Variants in ZNF644 observed in about 807,000 individuals in gnomAD.
ZNF644 encodes zinc finger motif enhancer binding protein 2.
In ZNF644, 20 loss-of-function variants were observed where a neutral mutation model predicts 108.0. That is an observed-to-expected ratio of 0.19 (90% CI 0.13 to 0.27). The LOEUF (loss-of-function observed/expected upper bound fraction) is 0.27, where lower values mean the gene tolerates loss of function less well. ZNF644 is among the 10% of genes least tolerant of loss of function. The pLI is 1.00. For missense variants in ZNF644, 1,338 were observed against 1,548.9 expected (o/e 0.86, Z 2.29); for synonymous variants, 542 against 539.1 (o/e 1.01, Z -0.08).
intron 4 of ZNF644, among the ~76,000 whole-genome samples, chr1:90,929,352 T>A (rs1306002580): frequency 6.6e-6 from 1 of 152,204 alleles, no homozygotes; most frequent in Non-Finnish European, 1.5e-5. Flanking sequence ...TCCTAATTTC[T>A]CTGACAGCAG....
intron 2 of ZNF644, among the ~76,000 whole-genome samples, chr1:90,966,757 A>G (rs899316373): frequency 5.3e-5 from 8 of 151,404 alleles, no homozygotes; most frequent in Non-Finnish European, 1.2e-4. Context: ...CAAAAAAAAA[A>G]AAAAAAAAAA....
chr1:91,004,565 T>C (rs1277284082), intron 1 of ZNF644, among the ~76,000 whole-genome samples: 3 of 151,956 alleles, frequency 2.0e-5, no homozygotes, highest in Non-Finnish European at 2.9e-5. Context: ...TCTGAAGAAA[T>C]AAGGAGCATG....
intron 1 of ZNF644, among the ~76,000 whole-genome samples, chr1:90,997,288 T>C (rs537698564): frequency 1.1e-4 from 16 of 152,194 alleles, no homozygotes; most frequent in African/African-American, 3.4e-4. Flanking sequence ...TGAAGGAGCA[T>C]CCCAACACAC....
Position 90,939,665 on chromosome 1 carries a change from C to T in ZNF644, c.1689G>A (p.Gln563=), listed in dbSNP as rs1235101793. Residue 563 remains glutamine (Q), a synonymous_variant, in exon 3 of 6, where the codon CAG becomes CAA. Coordinates refer to ENST00000337393, the MANE Select transcript of ZNF644 (RefSeq NM_201269.3). ...KCPMVTSDIA[Q]RKTQKKTFMK... ...TGAAAGTCTTTTTTTGTGTTTTTCTCTGGGCAATATCAGAAGTGACCATAG... is the reference window on the plus strand; with the variant it reads ...TGAAAGTCTTTTTTTGTGTTTTTCTTTGGGCAATATCAGAAGTGACCATAG... The T allele has an allele frequency of 1.7e-5, 27 of 1,613,838 alleles. No individual in the cohort carries two copies. The highest frequency in any genetic ancestry group is 2.3e-5 in the Non-Finnish European group (27 of 1,179,936).
At chr1:91,019,005 A>T (rs987634320) in intron 1 of ZNF644, among the ~76,000 whole-genome samples, 2 of 152,266 alleles carry the variant, frequency 1.3e-5, no homozygotes, top group African/African-American at 4.8e-5. Context: ...AATGTTGAAA[A>T]TTATAAAACA....
chr1:90,967,072 A>G (rs781374906), intron 2 of ZNF644, among the ~76,000 whole-genome samples: 2 of 152,090 alleles, frequency 1.3e-5, no homozygotes, highest in African/African-American at 4.8e-5. Context: ...ATAATCCCAA[A>G]TCTTTTATAC....
At chr1:91,009,837 T>C (rs145073706) in intron 1 of ZNF644, among the ~76,000 whole-genome samples, 46 of 152,352 alleles carry the variant, frequency 3.0e-4, no homozygotes, top group South Asian at 2.1e-3. Flanking sequence ...ATGCAAACTC[T>C]ATCTCCATTT....
At chr1:90,929,821 A>G (rs1354972228) in intron 4 of ZNF644, among the ~76,000 whole-genome samples, 1 of 152,230 alleles carries the variant, frequency 6.6e-6, no homozygotes, top group Non-Finnish European at 1.5e-5. Flanking sequence ...ACCTACTACG[A>G]TTACACTTAA....
At chr1:90,961,013 G>A (rs572934091) in intron 2 of ZNF644, among the ~76,000 whole-genome samples, 1 of 152,200 alleles carries the variant, frequency 6.6e-6, no homozygotes, top group Non-Finnish European at 1.5e-5. Flanking sequence ...ACACTAAAGG[G>A]TACAATAGAA....
At chr1:91,008,377 C>T (rs1431947802) in intron 1 of ZNF644, among the ~76,000 whole-genome samples, 1 of 152,174 alleles carries the variant, frequency 6.6e-6, no homozygotes, top group East Asian at 1.9e-4. Context: ...CAGTTCTAGA[C>T]TAATTCTAGG....
intron 4 of ZNF644, among the ~76,000 whole-genome samples, chr1:90,933,537 G>A (rs1455088755): frequency 2.0e-5 from 3 of 152,042 alleles, no homozygotes; most frequent in South Asian, 4.1e-4. Context: ...GATGGCATGA[G>A]TCTGTAATCC....
Position 90,938,613 on chromosome 1 carries a change from T to A in ZNF644, c.2741A>T (p.Asp914Val). The change falls in exon 3 of 6, where the codon GAT (aspartate) becomes GTT (valine). Residue 914 changes from aspartate (D) to valine (V), a missense_variant. By Grantham distance (152) the Asp-to-Val change is radical (BLOSUM62 -3). Transcript: ENST00000337393. This position sits in a 1 kb window ranked among gnomAD's most constrained non-coding sequence, Gnocchi z 4.2. ...ENATLSYDQN[D>V]GFYFEYYEDT... ...TTCATAGTATTCAAAATAAAAGCCA[T>A]CGTTTTGGTCATAACTAAGAGTAGC... The A allele has an allele frequency of 6.2e-7, 1 of 1,611,800 alleles. No homozygotes were observed. Among genetic ancestry groups the A allele is most frequent in the Non-Finnish European group, 8.5e-7 (1 of 1,178,820 alleles).
rs767391409 is a variant in ZNF644, at chr1:90,939,518, T to C, written c.1836A>G (p.Ser612=). 1.2e-6 allele frequency: 2 copies of C among 1,613,956 alleles called. No individual in the cohort carries two copies. Among genetic ancestry groups the C allele is most frequent in the Non-Finnish European group, 8.5e-7 (1 of 1,179,938 alleles). ...GAGGACTACCAAATGAATCAACACA[T>C]GATGATGAATGCAAGTACTCCGTGT... ...KKHTEYLHSS[S]CVDSFGSPLG... is the part of the protein sequence containing the mutation. The change falls in exon 3 of 6, where the codon TCA becomes TCG. Residue 612 remains serine, a synonymous_variant. Transcript: ENST00000337393.
intron 1 of ZNF644, among the ~76,000 whole-genome samples, chr1:90,999,838 A>G (rs981706564): frequency 8.5e-5 from 13 of 152,150 alleles, no homozygotes; most frequent in African/African-American, 2.9e-4. Flanking sequence ...AAGGGATGGA[A>G]GAAGATCTAC....
intron 4 of ZNF644, among the ~76,000 whole-genome samples, chr1:90,923,659 C>T (rs187247816): frequency 6.6e-6 from 1 of 151,984 alleles, no homozygotes; most frequent in East Asian, 1.9e-4. Flanking sequence ...TTAGAGTTTC[C>T]ACTCCCAATG....
At position 91,008,425 on chromosome 1, in the gene ZNF644, A is replaced by T. The variant is rs138816641; in HGVS notation, c.-18+13565T>A. On this transcript the variant is annotated intron_variant, in intron 1 of 5. Transcript: ENST00000337393. ...ACAGCAGAAGGTTCAGCTTTCTCTC[A>T]TCTACAAACAAATGGAGGTAGGGCT... Among the ~76,000 whole-genome samples, 258 of 152,302 alleles carry T rather than the reference A, an allele frequency of 1.7e-3. 1 individual carries two copies. Among genetic ancestry groups the T allele is most frequent in the Admixed American group, 3.5e-3 (54 of 15,308 alleles).
At chr1:91,021,170 T>G (rs1660868398) in intron 1 of ZNF644, 1 of 152,124 alleles carries the variant, frequency 6.6e-6, no homozygotes, top group Non-Finnish European at 1.5e-5. Flanking sequence ...GCAGAGTAAC[T>G]TCCCAGGGAC....
intron 2 of ZNF644, among the ~76,000 whole-genome samples, chr1:90,958,313 G>A (rs1653974217): frequency 6.7e-6 from 1 of 148,678 alleles, no homozygotes; most frequent in Admixed American, 6.7e-5. Context: ...ACAAAACATT[G>A]CTAGAAAAAC....
At chr1:90,927,876 C>A (rs923274321) in intron 4 of ZNF644, among the ~76,000 whole-genome samples, 2 of 151,918 alleles carry the variant, frequency 1.3e-5, no homozygotes, top group Non-Finnish European at 2.9e-5. Context: ...TGGAGTCTTG[C>A]TCTGTTGCCC....
Sources: allele counts gnomAD v4.1 joint callset (sites outside exome capture counted in the v4.1 genomes callset), GRCh38; gene constraint gnomAD v4.1.1; non-coding constraint Gnocchi (gnomAD v3.1); transcripts MANE v1.5; gene names NCBI Gene and HGNC (gene_info 2026-07-23, HGNC 2026-07-21).